Variants in RNH1 observed in about 807,000 individuals in gnomAD.
RNH1 encodes ribonuclease inhibitor.
A neutral mutation model predicts 46.1 loss-of-function variants in RNH1; 38 were observed. The ratio of observed to expected loss-of-function variants is 0.82; its 90% confidence interval spans 0.64 to 1.08. The LOEUF (loss-of-function observed/expected upper bound fraction) is 1.08, where lower values mean the gene tolerates loss of function less well. Among genes scored for constraint, RNH1 ranks in the 50% least tolerant of loss-of-function variants. The pLI is 0.00. For synonymous variants in RNH1, 319 were observed against 279.1 expected (o/e 1.14, Z -1.43); for missense variants, 577 against 590.7 (o/e 0.98, Z 0.24).
At position 497,987 on chromosome 11, in the gene RNH1, C is replaced by T; in HGVS notation, c.1111G>A (p.Val371Met). The T allele has an allele frequency of 6.2e-7, 1 of 1,613,624 alleles. No homozygotes were observed. Among genetic ancestry groups the T allele is most frequent in the African/African-American group, 1.3e-5 (1 of 75,082 alleles). ...LCQGLGQPGSVLRVLWLADCD... is the reference protein window; with the variant it reads ...LCQGLGQPGSMLRVLWLADCD... ...CACACTCACCAGAGCACCCGCAGCACAGAGCCAGGCTGGCCCAGGCCCTGG... is the reference window on the plus strand; with the variant it reads ...CACACTCACCAGAGCACCCGCAGCATAGAGCCAGGCTGGCCCAGGCCCTGG... The change falls in exon 9 of 11, where the codon GTG (valine) becomes ATG (methionine). Residue 371 changes from valine (V) to methionine (M), a missense_variant. Physicochemically the swap from Val to Met is conservative, Grantham distance 21. Transcript: ENST00000354420.
At chr11:500,236 G>T in intron 4 of RNH1, 1 of 666,982 alleles carries the variant, frequency 1.5e-6, no homozygotes, top group Non-Finnish European at 2.5e-6. Flanking sequence ...CTGTGGTGAT[G>T]CTGGAAGGCT....
intron 7 of RNH1, 31 bp downstream of exon 7, chr11:498,732 C>G: frequency 6.3e-7 from 1 of 1,590,894 alleles, no homozygotes; most frequent in South Asian, 1.1e-5. Context: ...GCCCGACCCT[C>G]CGGGAAGGAG....
At chr11:503,920 G>T (rs766874840) in intron 2 of RNH1, among the ~76,000 whole-genome samples, 1 of 152,116 alleles carries the variant, frequency 6.6e-6, no homozygotes, top group Non-Finnish European at 1.5e-5. Context: ...ATGAAAATGC[G>T]GGAGTAAACG....
chr11:494,785 A>T lies in RNH1; in HGVS notation c.1299-7T>A, dbSNP rs748157160. On this transcript the variant is annotated splice_region_variant and splice_polypyrimidine_tract_variant and intron_variant, in intron 10 of 10. Transcript: ENST00000354420. ...CCAGTAAATGTCGTACAGGCTGCAC[A>T]CAGGCCAGAAGGGAGGCATGGGCCC... The T allele has an allele frequency of 1.2e-6, 2 of 1,613,802 alleles. No individual in the cohort carries two copies. Among genetic ancestry groups the T allele is most frequent in the Non-Finnish European group, 8.5e-7 (1 of 1,179,958 alleles).
At chr11:495,722 C>G (rs1473219503) in intron 9 of RNH1, among the ~76,000 whole-genome samples, 1 of 152,196 alleles carries the variant, frequency 6.6e-6, no homozygotes, top group Non-Finnish European at 1.5e-5. Flanking sequence ...CCACAAGGTC[C>G]TGGCAGCCAG....
chr11:495,138 C>T (rs113489400), intron 9 of RNH1, 85 bp from the exon 10 acceptor site: 12 of 1,362,186 alleles, frequency 8.8e-6, no homozygotes, highest in East Asian at 2.5e-5. Context: ...CTGGGGGGCG[C>T]GACGGACACC....
chr11:499,792 C>T (rs920879569), intron 5 of RNH1, 37 bp downstream of exon 5: 28 of 1,582,898 alleles, frequency 1.8e-5, no homozygotes, highest in Non-Finnish European at 2.2e-5. Flanking sequence ...GGACAGGCAG[C>T]GGCCAGCATG....
In RNH1 at chr11:498,154, A is replaced by T; in HGVS notation, c.957-13T>A. On this transcript the variant is annotated splice_polypyrimidine_tract_variant and intron_variant, in intron 8 of 10. Transcript: ENST00000354420. The stretch of plus-strand genomic sequence containing the variant: ...GCAGGACTTCACCCTGTGGACACAG[A>T]CAGGACTGACGCCTGGCAGGGGCCC... The T allele has an allele frequency of 1.2e-6, 2 of 1,609,160 alleles. No individual in the cohort carries two copies. Among genetic ancestry groups the T allele is most frequent in the Non-Finnish European group, 1.7e-6 (2 of 1,177,534 alleles).
chr11:496,473 TA>T (rs1404985238), intron 9 of RNH1, among the ~76,000 whole-genome samples: 1 of 152,074 alleles, frequency 6.6e-6, no homozygotes, highest in East Asian at 1.9e-4. Flanking sequence ...ATCAAGACCA[TA>T]CTGGCTAACA....
In RNH1 at chr11:501,378, G is replaced by A. The variant is rs1849737113; in HGVS notation, c.101+684C>T. On this transcript the variant is annotated intron_variant, in intron 3 of 10. Transcript: ENST00000354420. This position sits in a 1 kb window ranked among gnomAD's most constrained non-coding sequence, Gnocchi z 4.1. The stretch of plus-strand genomic sequence containing the variant: ...ACCACCAAGAACCCAGAGAGACGAG[G>A]GGACAGTCACAGACGGGAGAGGGCT... 2 of 164,026 alleles carry A rather than the reference G, an allele frequency of 1.2e-5. No individual in the cohort carries two copies. The allele number at this position is 164,026 out of a possible 1,614,324, so 10.2% of individuals were successfully genotyped here. A position where few individuals can be genotyped will look rare whatever the true frequency, so the allele number is the denominator to read the frequency against.
rs1209852474 is a variant in RNH1 at position 497,543 on chromosome 11, GCTCA to G, written c.1127+424_1127+427del. Among the ~76,000 whole-genome samples the G allele has an allele frequency of 6.2e-4, 73 of 117,760 alleles. 1 individual carries two copies. Among genetic ancestry groups the G allele is most frequent in the East Asian group, 1.6e-3 (6 of 3,824 alleles). 77.3% of individuals were successfully genotyped at this position (117,760 alleles called of 152,430 possible). A position where few individuals can be genotyped will look rare whatever the true frequency, so the allele number is the denominator to read the frequency against. On this transcript the variant is annotated intron_variant, in intron 9 of 10. Transcript: ENST00000354420. The stretch of plus-strand genomic sequence containing the variant: ...CATGTGCTCACACACGGACCCTCGT[GCTCA>G]CTCTCACGTGCTCACACACGGACAC...
chr11:497,151 A>G (rs71487295), intron 9 of RNH1, among the ~76,000 whole-genome samples: 18,031 of 138,842 alleles, frequency 0.13, 1,169 homozygotes, highest in Admixed American at 0.2. Context: ...ATGGACACTC[A>G]TGCTCACTCT....
rs1376879031 is a variant in RNH1 at position 499,110 on chromosome 11, C to A, written c.519G>T (p.Lys173Asn). The change falls in exon 6 of 11, where the codon AAG becomes AAT. Residue 173 changes from lysine to asparagine, a missense_variant. Physicochemically the swap from Lys to Asn is moderately conservative, Grantham distance 94 (BLOSUM62 0). Coordinates refer to ENST00000354420, the MANE Select transcript of RNH1 (RefSeq NM_203387.3). ...ASVLRAKPDF[K>N]ELTVSNNDIN... ...TGTCGTTGTTGCTAACCGTGAGCTC[C>A]TTGAAGTCCGGCTTGGCCCTGAGCA... is the stretch of plus-strand genomic sequence containing the variant. 6.2e-7 allele frequency: 1 copy of A among 1,613,516 alleles called. No homozygotes were observed. Among genetic ancestry groups the A allele is most frequent in the Non-Finnish European group, 8.5e-7 (1 of 1,179,958 alleles).
In RNH1 at chr11:499,149, C is replaced by T; in HGVS notation, c.480G>A (p.Glu160=). ...EYCSLSAASC[E]PLASVLRAKP... ...TGGCCCTGAGCACGGAGGCCAGGGGCTCGCAGCTGGCAGCCGAGAGGCTGC... is the reference window on the plus strand; with the variant it reads ...TGGCCCTGAGCACGGAGGCCAGGGGTTCGCAGCTGGCAGCCGAGAGGCTGC... The change falls in exon 6 of 11, where the codon GAG becomes GAA. Residue 160 remains glutamate, a synonymous_variant. Transcript: ENST00000354420. 1 of 1,613,060 alleles carries T rather than the reference C, an allele frequency of 6.2e-7. No individual in the cohort carries two copies. The highest frequency in any genetic ancestry group is 8.5e-7 in the Non-Finnish European group (1 of 1,179,974).
intron 4 of RNH1, chr11:500,212 CT>C: frequency 1.5e-6 from 1 of 668,844 alleles, no homozygotes; most frequent in Non-Finnish European, 2.5e-6. Flanking sequence ...GCAGACACAC[CT>C]TTCAGTGGGG....
At position 500,484 on chromosome 11, in the gene RNH1, C is replaced by G. The variant is rs1311086696; in HGVS notation, c.272G>C (p.Ser91Thr). 1.4e-5 allele frequency: 23 copies of G among 1,604,818 alleles called. No homozygotes were observed. Among genetic ancestry groups the G allele is most frequent in the Non-Finnish European group, 2.0e-5 (23 of 1,178,022 alleles). Residue 91 changes from serine to threonine, a missense_variant and splice_region_variant, in exon 4 of 11, where the codon AGC becomes ACC. Coordinates refer to ENST00000354420, the MANE Select transcript of RNH1 (RefSeq NM_203387.3). ...QTPSCKIQKL[S>T]LQNCCLTGAG... Reference sequence around the variant, plus strand: ...GAGGCAGTGCCAGGCCCCGCCTCACCTCAGCTTCTGGATCTTGCAGGAGGG... The same window carrying G: ...GAGGCAGTGCCAGGCCCCGCCTCACGTCAGCTTCTGGATCTTGCAGGAGGG...
At chr11:503,952 G>A (rs1157121613) in intron 2 of RNH1, among the ~76,000 whole-genome samples, 1 of 152,180 alleles carries the variant, frequency 6.6e-6, no homozygotes, top group African/African-American at 2.4e-5. Flanking sequence ...GACTGGAGAA[G>A]TCCCTGGCTC....
At chr11:504,381 C>A in intron 2 of RNH1, 2 of 153,842 alleles carry the variant, frequency 1.3e-5, no homozygotes, top group South Asian at 3.8e-4. Context: ...GGGGTCTCCC[C>A]TGCCTCTCTG....
Position 494,615 on chromosome 11 carries a change from G to A in RNH1, c.*76C>T. On this transcript the variant is annotated 3_prime_UTR_variant, in exon 11 of 11. Transcript: ENST00000354420. ...TTCAAACCTAGGATATGCAGGGTGAGAGCATGGCAGGGGCTGGTGGGCCCC... is the reference window on the plus strand; with the variant it reads ...TTCAAACCTAGGATATGCAGGGTGAAAGCATGGCAGGGGCTGGTGGGCCCC... 1 of 1,260,820 alleles carries A rather than the reference G, an allele frequency of 7.9e-7. No homozygotes were observed. The highest frequency in any genetic ancestry group is 1.8e-5 in the Admixed American group (1 of 54,640). 78.1% of individuals were successfully genotyped at this position (1,260,820 alleles called of 1,614,324 possible).
Sources: gnomAD v4.1 joint callset for allele counts (sites outside exome capture counted in the v4.1 genomes callset) on GRCh38, gnomAD v4.1.1 for gene constraint, Gnocchi (gnomAD v3.1) non-coding constraint, MANE v1.5 for transcripts, NCBI Gene and HGNC (gene_info 2026-07-23, HGNC 2026-07-21) for gene names.